Variants in SLCO3A1 observed in about 807,000 individuals in gnomAD.
The protein encoded by SLCO3A1 is solute carrier organic anion transporter family member 3A1.
A neutral mutation model predicts 63.1 loss-of-function variants in SLCO3A1; 27 were observed. The observed-to-expected ratio is 0.43, with a 90% CI of 0.32 to 0.59. The LOEUF is 0.59. SLCO3A1 is among the 20% of genes least tolerant of loss of function. The pLI is 0.09. For synonymous variants in SLCO3A1, 473 were observed against 409.9 expected, an observed-to-expected ratio of 1.15 and a Z score of -1.86; for missense variants, 773 against 945.8, an observed-to-expected ratio of 0.82 and a Z score of 2.40.
chr15:92,103,983 A>G (rs909859427), intron 3 of SLCO3A1, among the ~76,000 whole-genome samples: 1 of 152,218 alleles, frequency 6.6e-6, no homozygotes, highest in African/African-American at 2.4e-5. Flanking sequence ...AGTGCTGCCA[A>G]GCCAGTTTTA....
intron 2 of SLCO3A1, among the ~76,000 whole-genome samples, chr15:92,021,751 A>G (rs973731530): frequency 6.6e-6 from 1 of 152,176 alleles, no homozygotes. Flanking sequence ...AGAGATGTTC[A>G]CATACATAGT....
chr15:91,867,076 G>A (rs1384443424), intron 1 of SLCO3A1, among the ~76,000 whole-genome samples: 1 of 152,216 alleles, frequency 6.6e-6, no homozygotes, highest in Non-Finnish European at 1.5e-5. Context: ...GCCACAGCCG[G>A]GCTGGGGCAT....
rs139547046 is a variant in SLCO3A1 at position 91,857,915 on chromosome 15, C to T, written c.180+3827C>T. On this transcript the variant is annotated intron_variant, in intron 1 of 9. Coordinates refer to ENST00000318445, the MANE Select transcript of SLCO3A1 (RefSeq NM_013272.4). ...GGGGCACAAAGGGAGTTCCTGTGAA[C>T]AAGGGGTAGGTATTTCCCTATTTAG... Among the ~76,000 whole-genome samples, 566 of 152,248 alleles carry T rather than the reference C, an allele frequency of 3.7e-3. 1 individual carries two copies. Among genetic ancestry groups the T allele is most frequent in the African/African-American group, 0.013 (536 of 41,534 alleles).
At chr15:92,095,534 T>C (rs2047528135) in intron 3 of SLCO3A1, among the ~76,000 whole-genome samples, 1 of 152,232 alleles carries the variant, frequency 6.6e-6, no homozygotes, top group South Asian at 2.1e-4. Context: ...ACCTGTGTTC[T>C]TAGCAGGAAG....
chr15:92,065,868 C>T (rs2047145092), intron 2 of SLCO3A1, among the ~76,000 whole-genome samples: 1 of 152,152 alleles, frequency 6.6e-6, no homozygotes, highest in South Asian at 2.1e-4. Flanking sequence ...ATGTGCTGGT[C>T]CTGTTGAGCC....
intron 2 of SLCO3A1, among the ~76,000 whole-genome samples, chr15:92,061,406 A>T (rs772327138): frequency 6.6e-6 from 1 of 152,246 alleles, no homozygotes; most frequent in Admixed American, 6.5e-5. Flanking sequence ...GATGCACAGC[A>T]GAAGAGATCT....
At chr15:92,087,438 C>T (rs981677826) in intron 2 of SLCO3A1, among the ~76,000 whole-genome samples, 2 of 152,056 alleles carry the variant, frequency 1.3e-5, no homozygotes, top group African/African-American at 4.8e-5. Flanking sequence ...TGGTCCTTAG[C>T]ATTTCTATGA....
intron 5 of SLCO3A1, among the ~76,000 whole-genome samples, chr15:92,125,455 T>C (rs1415044222): frequency 6.6e-6 from 1 of 152,134 alleles, no homozygotes; most frequent in African/African-American, 2.4e-5. Flanking sequence ...AAAATATATA[T>C]GCCATTTATT....
At chr15:91,888,219 A>G (rs73549405) in intron 1 of SLCO3A1, among the ~76,000 whole-genome samples, 1 of 152,284 alleles carries the variant, frequency 6.6e-6, no homozygotes, top group African/African-American at 2.4e-5. Flanking sequence ...TTCTTTGCAG[A>G]ACTTCCAACT....
intron 2 of SLCO3A1, among the ~76,000 whole-genome samples, chr15:92,051,702 G>T (rs1411508845): frequency 1.3e-5 from 2 of 152,108 alleles, no homozygotes; most frequent in African/African-American, 4.8e-5. Context: ...TGTGTGCTAG[G>T]TTCGTGCTTG....
chr15:91,888,990 C>T, intron 1 of SLCO3A1: 1 of 345,878 alleles, frequency 2.9e-6, no homozygotes, highest in Non-Finnish European at 4.8e-6. Flanking sequence ...GCCTGGGTAA[C>T]AAGAGTGAGA....
rs979578932 is a variant in SLCO3A1 at position 91,882,888 on chromosome 15, C to T, written c.180+28800C>T. Reference sequence around the variant, plus strand: ...ATAAGTATAACCTCATCAAGATTTCCTTGCAATTAGGTATCACCTTGGTGT... The same window carrying T: ...ATAAGTATAACCTCATCAAGATTTCTTTGCAATTAGGTATCACCTTGGTGT... On this transcript the variant is annotated intron_variant, in intron 1 of 9. Coordinates refer to ENST00000318445, the MANE Select transcript of SLCO3A1 (RefSeq NM_013272.4). This position sits in a 1 kb window ranked among gnomAD's most constrained non-coding sequence, Gnocchi z 4.4. Among the ~76,000 whole-genome samples the T allele has an allele frequency of 1.5e-5, 1 of 66,002 alleles. No individual in the cohort carries two copies. Among genetic ancestry groups the T allele is most frequent in the African/African-American group, 6.6e-5 (1 of 15,264 alleles). The allele number at this position is 66,002 out of a possible 152,430, so 43.3% of individuals were successfully genotyped here. A position where few individuals can be genotyped will look rare whatever the true frequency, so the allele number is the denominator to read the frequency against.
At chr15:92,080,458 A>G (rs1215741931) in intron 2 of SLCO3A1, among the ~76,000 whole-genome samples, 1 of 151,656 alleles carries the variant, frequency 6.6e-6, no homozygotes, top group African/African-American at 2.4e-5. Flanking sequence ...GTCACGTACT[A>G]TGACAGAAGA....
intron 9 of SLCO3A1, among the ~76,000 whole-genome samples, chr15:92,153,859 A>G (rs998892070): frequency 2.0e-5 from 3 of 151,936 alleles, no homozygotes; most frequent in Non-Finnish European, 4.4e-5. Context: ...GACTGGGGGG[A>G]AAGGGGGGAC....
Position 92,006,969 on chromosome 15 carries a change from G to A in SLCO3A1, c.647-87912G>A, listed in dbSNP as rs1409441522. Among the ~76,000 whole-genome samples, 7 of 152,288 alleles carry A rather than the reference G, an allele frequency of 4.6e-5. No individual in the cohort carries two copies. In the South Asian group the frequency reaches 1.2e-3, roughly 27 times the overall value. On this transcript the variant is annotated intron_variant, in intron 2 of 9. Transcript: ENST00000318445. ...TCTAAAGGAAGTAGCAGAAAGGCTCGTTAATTGATAGTTTGGGAATTGTGC... is the reference window on the plus strand; with the variant it reads ...TCTAAAGGAAGTAGCAGAAAGGCTCATTAATTGATAGTTTGGGAATTGTGC...
intron 6 of SLCO3A1, among the ~76,000 whole-genome samples, chr15:92,127,075 T>C (rs139416752): frequency 0.018 from 2,753 of 152,034 alleles, 64 homozygotes; most frequent in African/African-American, 0.063. Flanking sequence ...GCAGGCAGAG[T>C]GGGAGAGCAG....
At chr15:92,068,168 A>G (rs1022992045) in intron 2 of SLCO3A1, among the ~76,000 whole-genome samples, 3 of 152,226 alleles carry the variant, frequency 2.0e-5, no homozygotes, top group Non-Finnish European at 2.9e-5. Context: ...GCGAAATCAG[A>G]TGGTGCAGGC....
intron 2 of SLCO3A1, among the ~76,000 whole-genome samples, chr15:91,923,668 A>G (rs1414612973): frequency 2.0e-5 from 3 of 152,262 alleles, no homozygotes; most frequent in Non-Finnish European, 4.4e-5. Context: ...AAAAACAGAA[A>G]TGTAATAAGA....
At chr15:91,871,582 T>C (rs1243470325) in intron 1 of SLCO3A1, among the ~76,000 whole-genome samples, 1 of 152,204 alleles carries the variant, frequency 6.6e-6, no homozygotes, top group Non-Finnish European at 1.5e-5. Flanking sequence ...AGGTGTTTTT[T>C]TCTAGATGTG....
Sources: allele counts gnomAD v4.1 joint callset (sites outside exome capture counted in the v4.1 genomes callset), GRCh38; gene constraint gnomAD v4.1.1; non-coding constraint Gnocchi (gnomAD v3.1); transcripts MANE v1.5; gene names NCBI Gene and HGNC (gene_info 2026-07-23, HGNC 2026-07-21).